Variants in PARD3B observed in about 807,000 individuals in gnomAD.
PARD3B encodes par-3 family cell polarity regulator beta.
Under a neutral mutation model 130.2 loss-of-function variants are expected in PARD3B, and 103 were observed. That is an observed-to-expected ratio of 0.79 (90% CI 0.67 to 0.93). The LOEUF is 0.93. PARD3B is among the 40% of genes least tolerant of loss of function. The pLI is 0.00. For synonymous variants in PARD3B, 583 were observed against 553.2 expected, an observed-to-expected ratio of 1.05 and a Z score of -0.76; for missense variants, 1,609 against 1,499.2, an observed-to-expected ratio of 1.07 and a Z score of -1.21.
chr2:204,716,918 G>C (rs1463031093), intron 2 of PARD3B, among the ~76,000 whole-genome samples: 1 of 152,110 alleles, frequency 6.6e-6, no homozygotes, highest in Non-Finnish European at 1.5e-5. Flanking sequence ...CACCGCACCC[G>C]GCCCAGCAAC....
Position 204,675,598 on chromosome 2 carries a change from T to C in PARD3B, c.121-10583T>C, listed in dbSNP as rs2036499095. 6.6e-6 allele frequency among the ~76,000 whole-genome samples: 1 copy of C among 152,118 alleles called. No individual in the cohort carries two copies. ...AAAAGCTCTATCTAGATCTGGACCT[T>C]TTCTTCTCAAATAAATTTAGATTAA... On this transcript the variant is annotated intron_variant, in intron 1 of 22. Transcript: ENST00000406610. The surrounding 1 kb of genome is among the most constrained non-coding windows in gnomAD (Gnocchi z 4.4).
intron 2 of PARD3B, among the ~76,000 whole-genome samples, chr2:204,883,455 A>ATATATATATTTTTT (rs1377428928): frequency 1.3e-5 from 1 of 77,272 alleles, no homozygotes; most frequent in African/African-American, 5.5e-5. Context: ...ATATATATAT[A>ATATATATATTTTTT]TTTTTTTTTT....
rs185462392 is a variant in PARD3B, at chr2:205,432,405, G to T, written c.2742-7965G>T. Among the ~76,000 whole-genome samples, 195 of 152,126 alleles carry T rather than the reference G, an allele frequency of 1.3e-3. 1 individual carries two copies. Among genetic ancestry groups the T allele is most frequent in the African/African-American group, 4.4e-3 (184 of 41,518 alleles). ...TCCCACCTCACTGAGAGTAAAAACC[G>T]AACTCTACCATGGACCTCCAGGCCC... On this transcript the variant is annotated intron_variant, in intron 19 of 22. Coordinates refer to ENST00000406610, the MANE Select transcript of PARD3B (RefSeq NM_001302769.2).
chr2:204,742,873 G>A (rs1424625606), intron 2 of PARD3B, among the ~76,000 whole-genome samples: 1 of 152,160 alleles, frequency 6.6e-6, no homozygotes, highest in East Asian at 1.9e-4. Flanking sequence ...AGAACCATCA[G>A]TTGCTTTTTC....
At chr2:205,246,939 CT>C (rs1381485643) in intron 16 of PARD3B, among the ~76,000 whole-genome samples, 2 of 152,176 alleles carry the variant, frequency 1.3e-5, no homozygotes, top group Non-Finnish European at 2.9e-5. Context: ...CCAACATCCT[CT>C]TCCATTAAAT....
rs1553542788 is a variant in PARD3B at position 205,550,951 on chromosome 2, A to ATATG, written c.3181-2372_3181-2371insATGT. Among the ~76,000 whole-genome samples the ATATG allele has an allele frequency of 1.6e-3, 125 of 77,584 alleles. 3 individuals carry two copies. The highest frequency in any genetic ancestry group is 8.8e-3 in the Middle Eastern group (1 of 114). 50.9% of individuals were successfully genotyped at this position (77,584 alleles called of 152,430 possible). A position where few individuals can be genotyped will look rare whatever the true frequency, so the allele number is the denominator to read the frequency against. On this transcript the variant is annotated intron_variant, in intron 21 of 22. Transcript: ENST00000406610. The surrounding 1 kb of genome is among the most constrained non-coding windows in gnomAD (Gnocchi z 4.5). The stretch of plus-strand genomic sequence containing the variant: ...TGTGTGTGTGTGTGTGTATATATAT[A>ATATG]TGTGTATATATATATATATATATAT...
At chr2:204,942,837 AAAATT>A (rs1281508177) in intron 2 of PARD3B, among the ~76,000 whole-genome samples, 4 of 152,172 alleles carry the variant, frequency 2.6e-5, no homozygotes, top group African/African-American at 7.2e-5. Context: ...GTTAAAGAAA[AAAATT>A]AAGAAATACT....
chr2:205,147,473 C>A lies in PARD3B; in HGVS notation c.1435-11249C>A, dbSNP rs2033447498. On this transcript the variant is annotated intron_variant, in intron 10 of 22. Transcript: ENST00000406610. ...ACATTGAACAGGCAATATGGAATGG[C>A]CATTTTCTGATTTTTATTTTCTAGT... Among the ~76,000 whole-genome samples, 3 of 152,066 alleles carry A rather than the reference C, an allele frequency of 2.0e-5. 1 individual carries two copies. The South Asian group carries it at 6.2e-4, about 32-fold the overall frequency.
rs761457992 is a variant in PARD3B, at chr2:205,158,912, G to T, written c.1620+5G>T. 3.7e-6 allele frequency: 6 copies of T among 1,613,244 alleles called. No homozygotes were observed. In the Admixed American group the frequency reaches 8.3e-5, roughly 22 times the overall value. On this transcript the variant is annotated splice_donor_5th_base_variant and intron_variant, in intron 11 of 22. Transcript: ENST00000406610. This position sits in a 1 kb window ranked among gnomAD's most constrained non-coding sequence, Gnocchi z 5.4. ...CATGGAGGCGCTGCTTTTAAGGTGG[G>T]TAGGAATGACATTTGTACATCCTTT...
At chr2:204,599,875 A>C (rs1050222022) in intron 1 of PARD3B, among the ~76,000 whole-genome samples, 2 of 151,616 alleles carry the variant, frequency 1.3e-5, no homozygotes, top group African/African-American at 4.8e-5. Context: ...TTTTGATTAT[A>C]GCCATTCTAA....
chr2:204,631,248 CTT>C (rs57424347), intron 1 of PARD3B, among the ~76,000 whole-genome samples: 3,234 of 137,072 alleles, frequency 0.024, 109 homozygotes, highest in East Asian at 0.14. Flanking sequence ...TTCTTTCTTT[CTT>C]TTTTTTTTTT....
chr2:205,113,101 T>C (rs1221451368), intron 5 of PARD3B, among the ~76,000 whole-genome samples: 5 of 152,216 alleles, frequency 3.3e-5, no homozygotes, highest in African/African-American at 1.2e-4. Flanking sequence ...GAAGCATCGA[T>C]GTGCTTTCTT....
chr2:205,608,703 G>C (rs1396375916), intron 22 of PARD3B, among the ~76,000 whole-genome samples: 2 of 152,166 alleles, frequency 1.3e-5, no homozygotes, highest in Non-Finnish European at 2.9e-5. Context: ...CCATTTTCCA[G>C]ATAATGTCTG....
chr2:205,013,084 C>A (rs1300003060), intron 3 of PARD3B, among the ~76,000 whole-genome samples: 1 of 152,312 alleles, frequency 6.6e-6, no homozygotes, highest in Non-Finnish European at 1.5e-5. Context: ...TGTCCCTACC[C>A]ATGCAAGCTA....
rs2054420341 is a variant in PARD3B at position 205,592,434 on chromosome 2, T to TC, written c.3261-23020dup. On this transcript the variant is annotated intron_variant, in intron 22 of 22. Transcript: ENST00000406610. This position sits in a 1 kb window ranked among gnomAD's most constrained non-coding sequence, Gnocchi z 4.5. ...CCACAACAGGAATCTCCAGCGAACA[T>TC]CCACTAATAAACTTTATATTGGGTG... is the stretch of plus-strand genomic sequence containing the variant. 6.6e-6 allele frequency among the ~76,000 whole-genome samples: 1 copy of TC among 152,118 alleles called. No homozygotes were observed. Among genetic ancestry groups the TC allele is most frequent in the Non-Finnish European group, 1.5e-5 (1 of 68,024 alleles).
chr2:205,544,395 C>T (rs1032123334), intron 21 of PARD3B, among the ~76,000 whole-genome samples: 5 of 152,078 alleles, frequency 3.3e-5, no homozygotes, highest in Non-Finnish European at 5.9e-5. Flanking sequence ...ATTAAAGACA[C>T]AGAGCCAGAG....
intron 3 of PARD3B, among the ~76,000 whole-genome samples, chr2:205,045,017 A>G (rs978216578): frequency 6.6e-6 from 1 of 152,046 alleles, no homozygotes; most frequent in Non-Finnish European, 1.5e-5. Flanking sequence ...AAATTAGAAG[A>G]TACTCAACAG....
intron 1 of PARD3B, among the ~76,000 whole-genome samples, chr2:204,668,935 G>A (rs1267213138): frequency 2.0e-5 from 3 of 152,098 alleles, no homozygotes; most frequent in Non-Finnish European, 2.9e-5. Context: ...GCCATTTATG[G>A]TTTTGAAGTT....
chr2:204,545,978 G>A lies in PARD3B; in HGVS notation c.-22G>A. The A allele has an allele frequency of 3.2e-6, 5 of 1,546,030 alleles. No individual in the cohort carries two copies. Among genetic ancestry groups the A allele is most frequent in the Admixed American group, 1.9e-5 (1 of 52,648 alleles). ...GTCAGACACCTGTTCGGCCCGGCCC[G>A]GCGTGGTCGCCGGGGGCCAGGATGA... On this transcript the variant is annotated 5_prime_UTR_variant, in exon 1 of 23. Transcript: ENST00000406610.
Sources: gnomAD v4.1 joint callset for allele counts (sites outside exome capture counted in the v4.1 genomes callset) on GRCh38, gnomAD v4.1.1 for gene constraint, Gnocchi (gnomAD v3.1) non-coding constraint, MANE v1.5 for transcripts, NCBI Gene and HGNC (gene_info 2026-07-23, HGNC 2026-07-21) for gene names.